Variants in DOCK1 observed in about 807,000 individuals in gnomAD.
DOCK1 encodes the protein dedicator of cytokinesis 1.
A neutral mutation model predicts 262.7 loss-of-function variants in DOCK1; 138 were observed. That is an observed-to-expected ratio of 0.53 (90% confidence interval 0.46 to 0.61). The LOEUF (loss-of-function observed/expected upper bound fraction) is 0.61, where lower values mean the gene tolerates loss of function less well. Among genes scored for constraint, DOCK1 ranks in the 20% least tolerant of loss-of-function variants. The probability of loss-of-function intolerance (pLI) is 0.00; values close to 1 mark genes in which losing one functional copy is unlikely to be tolerated. For missense variants in DOCK1, 1,908 were observed against 2,370.7 expected (o/e 0.80, Z 4.05); for synonymous variants, 866 against 867.4 (o/e 1.00, Z 0.03).
chr10:126,933,586 G>A (rs1466564365), intron 1 of DOCK1, among the ~76,000 whole-genome samples: 1 of 152,136 alleles, frequency 6.6e-6, no homozygotes, highest in Non-Finnish European at 1.5e-5. Flanking sequence ...GATGGAGGAA[G>A]CAGGACATTG....
chr10:127,066,603 G>A (rs750808096), intron 23 of DOCK1, among the ~76,000 whole-genome samples: 107 of 152,148 alleles, frequency 7.0e-4, no homozygotes, highest in Non-Finnish European at 1.2e-3. Flanking sequence ...GAACCAGTGC[G>A]TTCCCCAGGA....
Position 127,244,805 on chromosome 10 carries a change from A to G in DOCK1, c.2848-3203A>G, listed in dbSNP as rs369327972. ...CTGCTGGTGCTGGAGCCTAGTCCCT[A>G]TGTTCAGGCTCAGGGATGGTTCTGC... is the stretch of plus-strand genomic sequence containing the variant. On this transcript the variant is annotated intron_variant, in intron 27 of 51. Coordinates refer to ENST00000623213, the MANE Select transcript of DOCK1 (RefSeq NM_001290223.2). Among the ~76,000 whole-genome samples the G allele has an allele frequency of 3.3e-5, 5 of 152,210 alleles. 1 individual carries two copies. Among genetic ancestry groups the G allele is most frequent in the South Asian group, 2.1e-4 (1 of 4,816 alleles).
At chr10:127,331,974 G>A (rs774451813) in intron 29 of DOCK1, among the ~76,000 whole-genome samples, 12 of 152,236 alleles carry the variant, frequency 7.9e-5, no homozygotes, top group Non-Finnish European at 1.5e-4. Context: ...CAGCAAAGCA[G>A]CAGAAACTAG....
chr10:127,063,925 G>A (rs902723784), intron 23 of DOCK1, among the ~76,000 whole-genome samples: 3 of 152,156 alleles, frequency 2.0e-5, no homozygotes, highest in African/African-American at 4.8e-5. Flanking sequence ...GACGCACGGC[G>A]TTTTATTAGG....
At chr10:127,115,114 A>G (rs753849061) in intron 25 of DOCK1, among the ~76,000 whole-genome samples, 3 of 152,168 alleles carry the variant, frequency 2.0e-5, no homozygotes, top group Non-Finnish European at 4.4e-5. Context: ...AATCTCTGCC[A>G]TCACAGCATT....
intron 29 of DOCK1, among the ~76,000 whole-genome samples, chr10:127,271,026 T>TATAC (rs1554937002): frequency 6.6e-6 from 1 of 151,592 alleles, no homozygotes; most frequent in South Asian, 2.1e-4. Flanking sequence ...TATGTATATA[T>TATAC]ACACACACAC....
chr10:127,161,872 T>C (rs895383484), intron 27 of DOCK1, among the ~76,000 whole-genome samples: 1 of 152,142 alleles, frequency 6.6e-6, no homozygotes, highest in East Asian at 1.9e-4. Context: ...AAAATATAAT[T>C]GAGAAGGTGT....
chr10:127,146,671 G>GA (rs1453559406), intron 27 of DOCK1, among the ~76,000 whole-genome samples: 1 of 152,136 alleles, frequency 6.6e-6, no homozygotes, highest in Non-Finnish European at 1.5e-5. Flanking sequence ...GGCAAAAGGC[G>GA]AATTTCCCCC....
Position 127,184,495 on chromosome 10 carries a change from C to T in DOCK1, c.2847+56731C>T, listed in dbSNP as rs1403349655. ...TTCCCCCATGCCCCACCCCCGTCCCCCATCCTGCAGGTCCTGCTAGTCTTG... is the reference window on the plus strand; with the variant it reads ...TTCCCCCATGCCCCACCCCCGTCCCTCATCCTGCAGGTCCTGCTAGTCTTG... On this transcript the variant is annotated intron_variant, in intron 27 of 51. Transcript: ENST00000623213. Among the ~76,000 whole-genome samples the T allele has an allele frequency of 4.0e-5, 6 of 150,830 alleles. No individual in the cohort carries two copies. The East Asian group carries it at 1.2e-3, about 29-fold the overall frequency.
At chr10:127,161,453 T>C (rs2053587366) in intron 27 of DOCK1, among the ~76,000 whole-genome samples, 3 of 152,212 alleles carry the variant, frequency 2.0e-5, no homozygotes, top group Admixed American at 6.5e-5. Context: ...TGAGCAGTTA[T>C]GAGATCCTTG....
Position 126,992,493 on chromosome 10 carries a change from A to G in DOCK1, c.473+1890A>G, listed in dbSNP as rs145775887. ...CTAGTTCTTCCTTCAGAAAACCTAA[A>G]TGATGCAAAATGATACCACAGTGTT... On this transcript the variant is annotated intron_variant, in intron 6 of 51. Coordinates refer to ENST00000623213, the MANE Select transcript of DOCK1 (RefSeq NM_001290223.2). 1.4e-4 allele frequency among the ~76,000 whole-genome samples: 22 copies of G among 152,298 alleles called. No homozygotes were observed. The East Asian group carries it at 3.7e-3, about 25-fold the overall frequency.
At chr10:127,174,499 TG>T (rs1252975101) in intron 27 of DOCK1, among the ~76,000 whole-genome samples, 1 of 152,190 alleles carries the variant, frequency 6.6e-6, no homozygotes, top group African/African-American at 2.4e-5. Flanking sequence ...CTTCAAAACA[TG>T]AAGTGCAAGA....
At chr10:127,154,181 G>A (rs1030154428) in intron 27 of DOCK1, among the ~76,000 whole-genome samples, 22 of 152,122 alleles carry the variant, frequency 1.4e-4, no homozygotes, top group African/African-American at 4.3e-4. Flanking sequence ...ATATGATTTC[G>A]TTATAAGCAC....
chr10:127,144,184 C>T (rs139040926), intron 27 of DOCK1, among the ~76,000 whole-genome samples: 1 of 152,262 alleles, frequency 6.6e-6, no homozygotes, highest in African/African-American at 2.4e-5. Flanking sequence ...CTCCAGTTAC[C>T]AGAGTCACCT....
At chr10:127,286,687 T>A (rs2061165056) in intron 29 of DOCK1, among the ~76,000 whole-genome samples, 1 of 152,136 alleles carries the variant, frequency 6.6e-6, no homozygotes, top group Non-Finnish European at 1.5e-5. Flanking sequence ...TTCAAAAATA[T>A]CTCTTAAAAA....
chr10:127,339,226 G>T (rs1285753420), intron 30 of DOCK1, 142 bp downstream of exon 30: 16 of 706,544 alleles, frequency 2.3e-5, no homozygotes, highest in South Asian at 5.2e-5. Flanking sequence ...TTTGTAGTAT[G>T]TACTATTGGA....
chr10:127,021,035 C>T (rs1336003951), intron 13 of DOCK1, among the ~76,000 whole-genome samples: 1 of 152,180 alleles, frequency 6.6e-6, no homozygotes, highest in African/African-American at 2.4e-5. Flanking sequence ...CTTCTAGTTC[C>T]TTCTTCCCCA....
At chr10:126,926,821 T>C (rs1767977451) in intron 1 of DOCK1, among the ~76,000 whole-genome samples, 1 of 151,836 alleles carries the variant, frequency 6.6e-6, no homozygotes, top group African/African-American at 2.4e-5. Flanking sequence ...GGAGGAAGTC[T>C]CCCCCAGAGG....
chr10:127,129,754 A>G (rs1215108778), intron 27 of DOCK1, among the ~76,000 whole-genome samples: 1 of 152,210 alleles, frequency 6.6e-6, no homozygotes, highest in Admixed American at 6.5e-5. Flanking sequence ...TGGTTCTGCC[A>G]AGACCCTCTT....
Sources: gnomAD v4.1 joint callset for allele counts (sites outside exome capture counted in the v4.1 genomes callset) on GRCh38, gnomAD v4.1.1 for gene constraint, MANE v1.5 for transcripts, NCBI Gene and HGNC (gene_info 2026-07-23, HGNC 2026-07-21) for gene names.